The following SMYD4 variants were observed in gnomAD, a reference collection of about 807,000 sequenced individuals.
SMYD4 encodes protein-lysine N-methyltransferase SMYD4.
A neutral mutation model predicts 72.8 loss-of-function variants in SMYD4; 68 were observed. That is an observed-to-expected ratio of 0.93 (90% CI 0.77 to 1.14). SMYD4 has a LOEUF of 1.14. SMYD4 is among the 50% of genes most tolerant of loss of function. The probability of loss-of-function intolerance (pLI) is 0.00; values close to 1 mark genes in which losing one functional copy is unlikely to be tolerated. For missense variants in SMYD4, 984 were observed against 1,003.7 expected (o/e 0.98, Z 0.27); for synonymous variants, 407 against 388.6 (o/e 1.05, Z -0.56).
At chr17:1,818,424 T>C (rs1315630207) in intron 2 of SMYD4, among the ~76,000 whole-genome samples, 3 of 152,190 alleles carry the variant, frequency 2.0e-5, no homozygotes, top group African/African-American at 7.2e-5. Flanking sequence ...CCTCTAAATA[T>C]TCGCAGGCCT....
At chr17:1,783,754 G>C (rs989538776) in intron 8 of SMYD4, 3 of 492,404 alleles carry the variant, frequency 6.1e-6, no homozygotes, top group African/African-American at 5.9e-5. Flanking sequence ...TTTCACGTAC[G>C]GCCATGATTT....
intron 5 of SMYD4, among the ~76,000 whole-genome samples, chr17:1,794,069 G>GTGTATATA (rs1280064134): frequency 5.9e-5 from 4 of 67,958 alleles, no homozygotes; most frequent in East Asian, 3.2e-4. Flanking sequence ...ATATATATGT[G>GTGTATATA]TATATATATG....
intron 10 of SMYD4, chr17:1,782,689 G>A (rs1908426221): frequency 9.8e-6 from 2 of 203,888 alleles, no homozygotes. Flanking sequence ...GAGGGTGGGT[G>A]GGGCTGCCTG....
At chr17:1,825,677 A>G (rs545921427) in intron 2 of SMYD4, among the ~76,000 whole-genome samples, 11 of 152,060 alleles carry the variant, frequency 7.2e-5, no homozygotes, top group African/African-American at 2.4e-4. Context: ...ATGCTTGGCT[A>G]ATTTTTAAAA....
chr17:1,801,168 G>T, intron 4 of SMYD4, 144 bp from the exon 5 acceptor site: 1 of 701,304 alleles, frequency 1.4e-6, no homozygotes. Flanking sequence ...AAATCATATA[G>T]TTCTGTGTGA....
chr17:1,801,651 C>T (rs1254194581), intron 4 of SMYD4, among the ~76,000 whole-genome samples: 1 of 141,438 alleles, frequency 7.1e-6, no homozygotes, highest in Non-Finnish European at 1.5e-5. Context: ...AAAAAAGAGG[C>T]AGGCTTTGAG....
In SMYD4 at chr17:1,820,333, G is replaced by C. The variant is rs548234067; in HGVS notation, c.134+7528C>G. Among the ~76,000 whole-genome samples the C allele has an allele frequency of 5.9e-5, 9 of 152,016 alleles. No individual in the cohort carries two copies. The East Asian group carries it at 1.5e-3, about 26-fold the overall frequency. ...TAGCTCACGACAGCCTCGACATCCT[G>C]GGCTCAAGCAATTTTCCCACCTCAG... On this transcript the variant is annotated intron_variant, in intron 2 of 10. Transcript: ENST00000305513.
chr17:1,824,876 CA>C (rs1171381133), intron 2 of SMYD4, among the ~76,000 whole-genome samples: 11 of 152,186 alleles, frequency 7.2e-5, no homozygotes, highest in African/African-American at 2.6e-4. Context: ...CCTCCTGCCC[CA>C]GTCTCCCAAA....
chr17:1,791,057 G>C (rs1908997198), intron 5 of SMYD4, among the ~76,000 whole-genome samples: 1 of 149,614 alleles, frequency 6.7e-6, no homozygotes, highest in African/African-American at 2.5e-5. Context: ...AACCCGGGAG[G>C]TGGAGCTTGC....
chr17:1,796,305 T>TTTTTG (rs1909407021), intron 5 of SMYD4, among the ~76,000 whole-genome samples: 1 of 147,378 alleles, frequency 6.8e-6, no homozygotes, highest in African/African-American at 2.5e-5. Context: ...GGCTGTTTTT[T>TTTTTG]TTTTTTTTTT....
intron 2 of SMYD4, among the ~76,000 whole-genome samples, chr17:1,823,909 T>G (rs575923886): frequency 5.3e-5 from 8 of 152,310 alleles, no homozygotes; most frequent in African/African-American, 1.9e-4. Flanking sequence ...ATACACATTC[T>G]GATGACATCC....
In SMYD4 at chr17:1,812,118, G is replaced by C. The variant is rs1208189529; in HGVS notation, c.135-3C>G. On this transcript the variant is annotated splice_region_variant and splice_polypyrimidine_tract_variant and intron_variant, in intron 2 of 10. Coordinates refer to ENST00000305513, the MANE Select transcript of SMYD4 (RefSeq NM_052928.3). ...TTAGAAACAGCTCATCCTCAGGTCT[G>C]CATGAAGAAAGGAGGAAACAAAGTA... 6.2e-7 allele frequency: 1 copy of C among 1,611,144 alleles called. No individual in the cohort carries two copies. The highest frequency in any genetic ancestry group is 1.7e-5 in the Admixed American group (1 of 59,126).
intron 3 of SMYD4, among the ~76,000 whole-genome samples, chr17:1,809,709 G>A (rs112269698): frequency 8.3e-5 from 12 of 143,820 alleles, no homozygotes; most frequent in Non-Finnish European, 1.7e-4. Flanking sequence ...TCGCTCTGTC[G>A]CCCAGGCTGG....
rs1909670794 is a variant in SMYD4 at position 1,800,553 on chromosome 17, G to C, written c.841C>G (p.Leu281Val). 1 of 1,614,070 alleles carries C rather than the reference G, an allele frequency of 6.2e-7. No homozygotes were observed. The highest frequency in any genetic ancestry group is 1.7e-5 in the Admixed American group (1 of 60,000). ...ACTCTGGTGTCCCATTTGCTGTCTA[G>C]GCCGTGATGCGGTGGTGGCAGTTCT... ...PGELPPPHHGLDSKWDTRVTN... is the reference protein window; with the variant it reads ...PGELPPPHHGVDSKWDTRVTN... The change falls in exon 5 of 11, where the codon CTA becomes GTA. Residue 281 changes from leucine (L) to valine (V), a missense_variant. Physicochemically the swap from Leu to Val is conservative, Grantham distance 32. Coordinates refer to ENST00000305513, the MANE Select transcript of SMYD4 (RefSeq NM_052928.3).
At chr17:1,805,410 C>A (rs1673346443) in intron 3 of SMYD4, among the ~76,000 whole-genome samples, 1 of 151,992 alleles carries the variant, frequency 6.6e-6, no homozygotes, top group Non-Finnish European at 1.5e-5. Flanking sequence ...CTGTCACAAA[C>A]AAACAAAAAA....
At chr17:1,809,186 A>G (rs561972471) in intron 3 of SMYD4, among the ~76,000 whole-genome samples, 1 of 151,370 alleles carries the variant, frequency 6.6e-6, no homozygotes, top group East Asian at 2.0e-4. Context: ...CTACCCTTCA[A>G]ATTTAAACTT....
Position 1,800,904 on chromosome 17 carries a change from G to C in SMYD4, c.490C>G (p.Gln164Glu). ...VALGRLQEAS[Q>E]TISDLERNFT... Reference sequence around the variant, plus strand: ...TTCCTTTCAAGATCACTGATGGTCTGGCTTGCCTCCTGCAGTCTCCCCAGG... The same window carrying C: ...TTCCTTTCAAGATCACTGATGGTCTCGCTTGCCTCCTGCAGTCTCCCCAGG... Residue 164 changes from glutamine (Q) to glutamate (E), a missense_variant, in exon 5 of 11, where the codon CAG (glutamine) becomes GAG (glutamate). Coordinates refer to ENST00000305513, the MANE Select transcript of SMYD4 (RefSeq NM_052928.3). The C allele has an allele frequency of 1.2e-6, 2 of 1,614,188 alleles. No individual in the cohort carries two copies. The highest frequency in any genetic ancestry group is 1.7e-6 in the Non-Finnish European group (2 of 1,180,034).
chr17:1,805,811 C>G (rs941750309), intron 3 of SMYD4, among the ~76,000 whole-genome samples: 11 of 143,922 alleles, frequency 7.6e-5, no homozygotes, highest in Admixed American at 2.8e-4. Flanking sequence ...GACTCTGTCT[C>G]AAAAAAATAA....
intron 2 of SMYD4, among the ~76,000 whole-genome samples, chr17:1,820,353 C>A (rs1910828116): frequency 6.6e-6 from 1 of 152,020 alleles, no homozygotes; most frequent in South Asian, 2.1e-4. Context: ...AATTTTCCCA[C>A]CTCAGCCTCC....
Sources: gnomAD v4.1 joint callset for allele counts (sites outside exome capture counted in the v4.1 genomes callset) on GRCh38, gnomAD v4.1.1 for gene constraint, MANE v1.5 for transcripts, NCBI Gene and HGNC (gene_info 2026-07-23, HGNC 2026-07-21) for gene names.